MAST4: variants seen among roughly 807,000 people sequenced by gnomAD.
The protein encoded by MAST4 is microtubule associated serine/threonine kinase family member 4.
A neutral mutation model predicts 162.7 loss-of-function variants in MAST4; 89 were observed. That is an observed-to-expected ratio of 0.55 (90% confidence interval 0.46 to 0.65). The LOEUF is 0.65. Among genes scored for constraint, MAST4 ranks in the 30% least tolerant of loss-of-function variants. The pLI, the probability that MAST4 is intolerant of heterozygous loss-of-function variation, is 0.00. For synonymous variants in MAST4, 1,479 were observed against 1,361.1 expected, an observed-to-expected ratio of 1.09 and a Z score of -1.91; for missense variants, 3,153 against 3,374.0, an observed-to-expected ratio of 0.93 and a Z score of 1.62.
chr5:66,950,033 A>G (rs1215118772), intron 4 of MAST4, among the ~76,000 whole-genome samples: 1 of 152,094 alleles, frequency 6.6e-6, no homozygotes, highest in Non-Finnish European at 1.5e-5. Context: ...ACAAACTGCA[A>G]CCAGCACATA....
rs773334015 is a variant in MAST4, at chr5:67,163,209, G to A, written c.4030G>A (p.Gly1344Arg). Residue 1344 changes from glycine to arginine, a missense_variant, in exon 29 of 29, where the codon GGG becomes AGG. Gly to Arg is a moderately radical substitution (Grantham distance 125). This residue lies in a region of MAST4 where 619 missense variants were observed against 744.2 expected (regional missense o/e 0.83). Coordinates refer to ENST00000403625, the MANE Select transcript of MAST4 (RefSeq NM_001164664.2). The surrounding 1 kb of genome is among the most constrained non-coding windows in gnomAD (Gnocchi z 7.0). ...TGCCCCCAATTCCCCAGCAGGGTCC[G>A]GGCACATCCGGCCCAGCACTCTCCA... Reference protein sequence around the residue: ...SSAPNSPAGSGHIRPSTLHGL... With the variant: ...SSAPNSPAGSRHIRPSTLHGL... 2 of 1,613,672 alleles carry A rather than the reference G, an allele frequency of 1.2e-6. No individual in the cohort carries two copies. The highest frequency in any genetic ancestry group is 2.7e-5 in the African/African-American group (2 of 74,900).
At chr5:66,798,466 T>C (rs1755761783) in intron 3 of MAST4, among the ~76,000 whole-genome samples, 1 of 152,200 alleles carries the variant, frequency 6.6e-6, no homozygotes, top group Admixed American at 6.5e-5. Flanking sequence ...GTTTGTTTCC[T>C]CAGATCCCAG....
Position 67,152,714 on chromosome 5 carries a change from T to A in MAST4, c.3373T>A (p.Ser1125Thr), listed in dbSNP as rs1267539340. The change falls in exon 25 of 29, where the codon TCC becomes ACC. Residue 1125 changes from serine (S) to threonine (T), a missense_variant. Ser to Thr is a moderately conservative substitution (Grantham distance 58). Around this residue, in one of 7 missense-constraint regions of MAST4, gnomAD observed 619 missense variants for 744.2 expected, o/e 0.83. Coordinates refer to ENST00000403625, the MANE Select transcript of MAST4 (RefSeq NM_001164664.2). Reference protein sequence around the residue: ...LSSDPSSSRDSSPSRDSSAAS... With the variant: ...LSSDPSSSRDTSPSRDSSAAS... ...CTCGGACCCTTCTTCTTCACGAGAT[T>A]CCTCTCCCAGCCGAGATTCCTCAGC... 6 of 1,614,046 alleles carry A rather than the reference T, an allele frequency of 3.7e-6. No individual in the cohort carries two copies. Among genetic ancestry groups the A allele is most frequent in the Non-Finnish European group, 4.2e-6 (5 of 1,179,894 alleles).
Position 67,074,722 on chromosome 5 carries a change from G to T in MAST4, c.764-15440G>T, listed in dbSNP as rs1430855869. On this transcript the variant is annotated intron_variant, in intron 5 of 28. Coordinates refer to ENST00000403625, the MANE Select transcript of MAST4 (RefSeq NM_001164664.2). ...GTATGGTTTATGATCTAATTTGAAA[G>T]TATATTTGTATATACGTGTATACAC... Among the ~76,000 whole-genome samples, 5 of 152,156 alleles carry T rather than the reference G, an allele frequency of 3.3e-5. No individual in the cohort carries two copies. The East Asian group carries it at 9.6e-4, about 29-fold the overall frequency.
intron 4 of MAST4, among the ~76,000 whole-genome samples, chr5:67,034,054 G>A (rs761080709): frequency 9.9e-5 from 15 of 152,074 alleles, no homozygotes; most frequent in Admixed American, 1.3e-4. Flanking sequence ...CCAGTCGGCC[G>A]GTGACTTAAG....
At chr5:66,937,911 CTTTA>C (rs1742938250) in intron 4 of MAST4, among the ~76,000 whole-genome samples, 1 of 151,808 alleles carries the variant, frequency 6.6e-6, no homozygotes, top group Non-Finnish European at 1.5e-5. Context: ...TGATTATACC[CTTTA>C]TTTTAGTTTT....
rs181051725 is a variant in MAST4, at chr5:66,819,613, C to T, written c.642+30819C>T. Among the ~76,000 whole-genome samples the T allele has an allele frequency of 1.1e-4, 16 of 152,198 alleles. No individual in the cohort carries two copies. The East Asian group carries it at 3.1e-3, about 29-fold the overall frequency. ...TTTAGTTAACATGTATGTCTTTGGT[C>T]AATCATATTTTAAATTCCAGGGTGA... On this transcript the variant is annotated intron_variant, in intron 3 of 28. Coordinates refer to ENST00000403625, the MANE Select transcript of MAST4 (RefSeq NM_001164664.2).
chr5:66,907,188 A>T (rs1441834243), intron 4 of MAST4, among the ~76,000 whole-genome samples: 1 of 147,120 alleles, frequency 6.8e-6, no homozygotes. Context: ...AGAGAGAGAG[A>T]GAGAGAGAGA....
chr5:66,627,757 C>CA (rs1744533556), intron 1 of MAST4, among the ~76,000 whole-genome samples: 1 of 151,878 alleles, frequency 6.6e-6, no homozygotes, highest in Non-Finnish European at 1.5e-5. Context: ...AGCTGTAAAG[C>CA]TGCTTTTACA....
chr5:67,008,123 C>T (rs76254540), intron 4 of MAST4, among the ~76,000 whole-genome samples: 1 of 152,314 alleles, frequency 6.6e-6, no homozygotes, highest in African/African-American at 2.4e-5. Flanking sequence ...CTTTGTCCTC[C>T]TCTCCCTTCC....
At chr5:66,893,292 G>A (rs181258634) in intron 3 of MAST4, among the ~76,000 whole-genome samples, 3 of 152,146 alleles carry the variant, frequency 2.0e-5, no homozygotes, top group South Asian at 2.1e-4. Flanking sequence ...TGCAACCTCC[G>A]CCTTCTGGGT....
At chr5:66,599,051 C>T (rs1400684888) in intron 1 of MAST4, among the ~76,000 whole-genome samples, 1 of 152,164 alleles carries the variant, frequency 6.6e-6, no homozygotes, top group Non-Finnish European at 1.5e-5. Context: ...TATTATGTAA[C>T]TTAACCTGCG....
intron 3 of MAST4, among the ~76,000 whole-genome samples, chr5:66,887,520 A>C (rs1330687935): frequency 1.3e-5 from 2 of 152,240 alleles, no homozygotes; most frequent in Non-Finnish European, 2.9e-5. Context: ...TGTTGGTAGA[A>C]TGTCCAGGGC....
intron 3 of MAST4, among the ~76,000 whole-genome samples, chr5:66,862,315 T>C (rs1449041039): frequency 3.9e-5 from 6 of 152,354 alleles, no homozygotes; most frequent in Non-Finnish European, 8.8e-5. Flanking sequence ...GTAATTTCAC[T>C]CATTAAAAAA....
intron 1 of MAST4, among the ~76,000 whole-genome samples, chr5:66,602,310 A>G (rs1273999611): frequency 6.6e-6 from 1 of 152,146 alleles, no homozygotes; most frequent in East Asian, 1.9e-4. Context: ...TTTGGGTACT[A>G]ACACGCATTA....
At chr5:66,839,322 T>G (rs185577459) in intron 3 of MAST4, among the ~76,000 whole-genome samples, 1 of 152,308 alleles carries the variant, frequency 6.6e-6, no homozygotes, top group Admixed American at 6.5e-5. Context: ...TATGTAGTTT[T>G]AAACTTCTAA....
At chr5:66,828,959 T>G in intron 3 of MAST4, 2 of 1,160,420 alleles carry the variant, frequency 1.7e-6, no homozygotes, top group African/African-American at 3.1e-5. Context: ...CCCTTGTCAT[T>G]CCTTTACTGG....
intron 1 of MAST4, among the ~76,000 whole-genome samples, chr5:66,664,366 C>T (rs766313387): frequency 8.5e-5 from 12 of 140,988 alleles, no homozygotes; most frequent in South Asian, 4.5e-4. Context: ...ACCCGGGCGA[C>T]GGAGGTTGCA....
intron 4 of MAST4, among the ~76,000 whole-genome samples, chr5:67,030,571 T>A (rs1380152661): frequency 1.3e-5 from 2 of 152,082 alleles, no homozygotes; most frequent in Admixed American, 6.6e-5. Context: ...TTGGTCAGAG[T>A]CCTAAGGGGT....
Sources: gnomAD v4.1 joint callset for allele counts (sites outside exome capture counted in the v4.1 genomes callset) on GRCh38, gnomAD v4.1.1 for gene constraint, gnomAD v4.1.1 regional missense constraint, Gnocchi (gnomAD v3.1) non-coding constraint, MANE v1.5 for transcripts, NCBI Gene and HGNC (gene_info 2026-07-23, HGNC 2026-07-21) for gene names.